The following CREBL2 variants were observed in gnomAD, a reference collection of about 807,000 sequenced individuals.
CREBL2 encodes cAMP responsive element binding protein like 2.
A neutral mutation model predicts 19.5 loss-of-function variants in CREBL2; 4 were observed. That is an observed-to-expected ratio of 0.20 (90% CI 0.10 to 0.47). The LOEUF (loss-of-function observed/expected upper bound fraction) is 0.47, where lower values mean the gene tolerates loss of function less well. Among genes scored for constraint, CREBL2 ranks in the 20% least tolerant of loss-of-function variants. The pLI, the probability that CREBL2 is intolerant of heterozygous loss-of-function variation, is 0.98. For synonymous variants in CREBL2, 42 were observed against 46.6 expected (o/e 0.90, Z 0.40); for missense variants, 85 against 145.1 (o/e 0.59, Z 2.13).
chr12:12,631,404 C>T (rs1945441438), intron 1 of CREBL2, among the ~76,000 whole-genome samples: 1 of 152,162 alleles, frequency 6.6e-6, no homozygotes, highest in African/African-American at 2.4e-5. Flanking sequence ...TTTAAATTTT[C>T]ACATGACTCT....
At chr12:12,617,545 G>A (rs1945319638) in intron 1 of CREBL2, among the ~76,000 whole-genome samples, 1 of 148,194 alleles carries the variant, frequency 6.7e-6, no homozygotes, top group Non-Finnish European at 1.5e-5. Flanking sequence ...ACACATAGTA[G>A]GCTCTCAAAA....
chr12:12,617,654 T>C (rs1945321753), intron 1 of CREBL2, among the ~76,000 whole-genome samples: 1 of 98,194 alleles, frequency 1.0e-5, no homozygotes, highest in Non-Finnish European at 2.0e-5. Context: ...TTTTTTTTTT[T>C]TTTTTTTTTT....
Position 12,635,950 on chromosome 12 carries a change from T to G in CREBL2, c.189T>G (p.Cys63Trp). Residue 63 changes from cysteine to tryptophan, a missense_variant, in exon 2 of 4, where the codon TGT becomes TGG. Around this residue, in one of 5 missense-constraint regions of CREBL2, gnomAD observed 22 missense variants for 46.7 expected, o/e 0.47. Transcript: ENST00000228865. ...ELVSSRERAICALREELEMYK... is the reference protein window; with the variant it reads ...ELVSSRERAIWALREELEMYK... ...TATCCAGTCGAGAAAGAGCTATATG[T>G]GCCCTCAGAGAGGAACTGGAAATGG... is the stretch of plus-strand genomic sequence containing the variant. The G allele has an allele frequency of 6.2e-7, 1 of 1,613,950 alleles. No homozygotes were observed. The highest frequency in any genetic ancestry group is 8.5e-7 in the Non-Finnish European group (1 of 1,179,980).
At chr12:12,626,264 G>A (rs16916552) in intron 1 of CREBL2, among the ~76,000 whole-genome samples, 1,762 of 152,314 alleles carry the variant, frequency 0.012, 31 homozygotes, top group African/African-American at 0.04. Context: ...CTTGTTGACT[G>A]TGAAGCCTAG....
In CREBL2 at chr12:12,642,737, A is replaced by G. The variant is rs1945532762; in HGVS notation, c.*739A>G. 1 of 152,282 alleles carries G rather than the reference A, an allele frequency of 6.6e-6. No homozygotes were observed. The highest frequency in any genetic ancestry group is 1.5e-5 in the Non-Finnish European group (1 of 68,048). 9.4% of individuals were successfully genotyped at this position (152,282 alleles called of 1,614,324 possible). ...ATAAAAATTTGCTAGGGCCAAATCC[A>G]TACTTGCAGAATAATTCATCAAATT... On this transcript the variant is annotated 3_prime_UTR_variant, in exon 4 of 4. Transcript: ENST00000228865.
At chr12:12,635,735 C>A (rs1200204476) in intron 1 of CREBL2, 42 bp from the exon 2 acceptor site, 16 of 1,560,256 alleles carry the variant, frequency 1.0e-5, no homozygotes, top group African/African-American at 2.7e-5. Context: ...TTTCTGTACA[C>A]AGAACTAAGG....
chr12:12,623,657 G>A (rs998196433), intron 1 of CREBL2, among the ~76,000 whole-genome samples: 1 of 152,174 alleles, frequency 6.6e-6, no homozygotes, highest in African/African-American at 2.4e-5. Flanking sequence ...CTGGCTTTTT[G>A]TGGGAATCCT....
In CREBL2 at chr12:12,641,247, A is replaced by ATTTTTT. The variant is rs1380373401; in HGVS notation, c.359-745_359-744insTTTTTT. Among the ~76,000 whole-genome samples, 79 of 22,032 alleles carry ATTTTTT rather than the reference A, an allele frequency of 3.6e-3. 1 individual carries two copies. Among genetic ancestry groups the ATTTTTT allele is most frequent in the Middle Eastern group, 0.033 (1 of 30 alleles). The allele number at this position is 22,032 out of a possible 152,430, so 14.5% of individuals were successfully genotyped here. On this transcript the variant is annotated intron_variant, in intron 3 of 3. Coordinates refer to ENST00000228865, the MANE Select transcript of CREBL2 (RefSeq NM_001310.4). ...AACCTTTATTATTATTATTATTATT[A>ATTTTTT]TTATTATTTTTTTTTATTTTTTTTT...
chr12:12,612,562 C>T (rs949559841), intron 1 of CREBL2, among the ~76,000 whole-genome samples: 4 of 152,098 alleles, frequency 2.6e-5, no homozygotes, highest in Non-Finnish European at 2.9e-5. Flanking sequence ...GCCTTATTCC[C>T]CTTGACGATT....
chr12:12,613,735 A>T (rs1189808328), intron 1 of CREBL2, among the ~76,000 whole-genome samples: 2 of 152,182 alleles, frequency 1.3e-5, no homozygotes, highest in Non-Finnish European at 2.9e-5. Context: ...CAGTACACAC[A>T]TTAATTCCCT....
In CREBL2 at chr12:12,622,471, T is replaced by A. The variant is rs577188533; in HGVS notation, c.15+10284T>A. Among the ~76,000 whole-genome samples the A allele has an allele frequency of 5.3e-5, 8 of 152,304 alleles. No homozygotes were observed. The South Asian group carries it at 1.2e-3, about 24-fold the overall frequency. On this transcript the variant is annotated intron_variant, in intron 1 of 3. Transcript: ENST00000228865. Reference sequence around the variant, plus strand: ...ACGTAAGAGAACCAGAAGACAGGGCTGTTATGCCATCTAAGAGTGGAGAGA... The same window carrying A: ...ACGTAAGAGAACCAGAAGACAGGGCAGTTATGCCATCTAAGAGTGGAGAGA...
intron 1 of CREBL2, among the ~76,000 whole-genome samples, chr12:12,632,963 T>G (rs766917333): frequency 6.6e-6 from 1 of 151,306 alleles, no homozygotes; most frequent in Non-Finnish European, 1.5e-5. Context: ...GCTGGGGTCT[T>G]GCTCTTGTCA....
In CREBL2 at chr12:12,612,146, C is replaced by T. The variant is rs1175133207; in HGVS notation, c.-27C>T. Reference sequence around the variant, plus strand: ...CGGGGGAGGGCTCCGGGAGGGAGTGCCTGGCCAGGCCGGCCTGTCTGCCGC... The same window carrying T: ...CGGGGGAGGGCTCCGGGAGGGAGTGTCTGGCCAGGCCGGCCTGTCTGCCGC... On this transcript the variant is annotated 5_prime_UTR_variant, in exon 1 of 4. Coordinates refer to ENST00000228865, the MANE Select transcript of CREBL2 (RefSeq NM_001310.4). 4 of 1,611,002 alleles carry T rather than the reference C, an allele frequency of 2.5e-6. No individual in the cohort carries two copies. The highest frequency in any genetic ancestry group is 3.4e-6 in the Non-Finnish European group (4 of 1,179,904).
chr12:12,634,471 A>G (rs2136305660), intron 1 of CREBL2, among the ~76,000 whole-genome samples: 1 of 152,298 alleles, frequency 6.6e-6, no homozygotes, highest in South Asian at 2.1e-4. Flanking sequence ...GGGCTCAACA[A>G]ATTTGAGGGA....
At chr12:12,625,243 T>A (rs547133840) in intron 1 of CREBL2, among the ~76,000 whole-genome samples, 10 of 152,292 alleles carry the variant, frequency 6.6e-5, no homozygotes, top group African/African-American at 1.9e-4. Context: ...CACCCTTTTC[T>A]GTCTAGAATT....
At chr12:12,639,184 A>T (rs189250363) in intron 3 of CREBL2, among the ~76,000 whole-genome samples, 1 of 152,182 alleles carries the variant, frequency 6.6e-6, no homozygotes. Flanking sequence ...AATAATATTT[A>T]TATATATACA....
intron 1 of CREBL2, among the ~76,000 whole-genome samples, chr12:12,617,981 T>G (rs1945325834): frequency 6.6e-6 from 1 of 152,030 alleles, no homozygotes; most frequent in Admixed American, 6.5e-5. Context: ...AGCACGGGGT[T>G]GGGGGTAAGG....
intron 1 of CREBL2, among the ~76,000 whole-genome samples, chr12:12,620,417 G>A (rs868421090): frequency 2.0e-5 from 3 of 151,902 alleles, no homozygotes; most frequent in African/African-American, 7.3e-5. Flanking sequence ...AATATTTTTT[G>A]TAGAGACAGC....
chr12:12,637,120 G>A (rs1028361141), intron 2 of CREBL2, among the ~76,000 whole-genome samples: 3 of 152,020 alleles, frequency 2.0e-5, no homozygotes, highest in Non-Finnish European at 4.4e-5. Flanking sequence ...AAAGTCCCTA[G>A]CATGCACTCT....
Sources: allele counts gnomAD v4.1 joint callset (sites outside exome capture counted in the v4.1 genomes callset), GRCh38; gene constraint gnomAD v4.1.1; regional missense constraint gnomAD v4.1.1; transcripts MANE v1.5; gene names NCBI Gene and HGNC (gene_info 2026-07-23, HGNC 2026-07-21).